Variants in SNRNP40 observed in about 807,000 individuals in gnomAD.
SNRNP40 encodes small nuclear ribonucleoprotein U5 subunit 40, also known as U5 small nuclear ribonucleoprotein 40 kDa protein.
A neutral mutation model predicts 45.8 loss-of-function variants in SNRNP40; 21 were observed. The ratio of observed to expected loss-of-function variants is 0.46; its 90% CI spans 0.32 to 0.66. The LOEUF (loss-of-function observed/expected upper bound fraction) is 0.66, where lower values mean the gene tolerates loss of function less well. SNRNP40 is among the 30% of genes least tolerant of loss of function. SNRNP40 has a pLI of 0.03. For missense variants in SNRNP40, 344 were observed against 439.1 expected (o/e 0.78, Z 1.94); for synonymous variants, 142 against 163.8 (o/e 0.87, Z 1.01).
At chr1:31,267,102 T>C (rs747447782) in intron 8 of SNRNP40, among the ~76,000 whole-genome samples, 1 of 152,018 alleles carries the variant, frequency 6.6e-6, no homozygotes, top group African/African-American at 2.4e-5. Context: ...ACTAGAGAGA[T>C]ATAGGAGTTT....
chr1:31,291,561 C>T (rs1646107651), intron 3 of SNRNP40, among the ~76,000 whole-genome samples: 1 of 152,030 alleles, frequency 6.6e-6, no homozygotes, highest in African/African-American at 2.4e-5. Context: ...GGCTTGTGGC[C>T]CCAGCTATTT....
At chr1:31,269,602 C>A in intron 6 of SNRNP40, 2 of 398,240 alleles carry the variant, frequency 5.0e-6, no homozygotes, top group Non-Finnish European at 8.8e-6. Context: ...AAACTAAATA[C>A]CAGGAACTAC....
At chr1:31,289,880 A>AT (rs926580961) in intron 3 of SNRNP40, among the ~76,000 whole-genome samples, 25 of 148,216 alleles carry the variant, frequency 1.7e-4, no homozygotes, top group African/African-American at 2.0e-4. Flanking sequence ...TCTTTCTTTC[A>AT]TTTTTTTTTT....
rs1646017146 is a variant in SNRNP40, at chr1:31,281,618, AT to A, written c.532-123del. The A allele has an allele frequency of 2.1e-5, 16 of 776,932 alleles. No homozygotes were observed. The East Asian group carries it at 4.5e-4, about 22-fold the overall frequency. 48.1% of individuals were successfully genotyped at this position (776,932 alleles called of 1,614,324 possible). A position where few individuals can be genotyped will look rare whatever the true frequency, so the allele number is the denominator to read the frequency against. On this transcript the variant is annotated intron_variant, in intron 4 of 9. Transcript: ENST00000263694. ...AACACATCTATAATTGGGATCCTAT[AT>A]CACTAACTCCTGGATATCCTAATAA... is the stretch of plus-strand genomic sequence containing the variant.
chr1:31,281,177 G>A (rs1646014208), intron 5 of SNRNP40, among the ~76,000 whole-genome samples, 197 bp downstream of exon 5: 1 of 152,166 alleles, frequency 6.6e-6, no homozygotes, highest in Non-Finnish European at 1.5e-5. Context: ...GTCCCTGACA[G>A]CATTTATAAG....
chr1:31,295,229 GGT>G (rs1491377651), intron 1 of SNRNP40, among the ~76,000 whole-genome samples: 9 of 152,064 alleles, frequency 5.9e-5, no homozygotes, highest in African/African-American at 1.2e-4. Context: ...TAGATGTGGT[GGT>G]GTGTGTCTGT....
chr1:31,265,116 T>TC (rs1479912385), intron 8 of SNRNP40, among the ~76,000 whole-genome samples: 2 of 134,698 alleles, frequency 1.5e-5, no homozygotes, highest in African/African-American at 5.3e-5. Flanking sequence ...TACCACGCTT[T>TC]CACATGTGAT....
chr1:31,278,918 T>G (rs1481593197), intron 5 of SNRNP40, among the ~76,000 whole-genome samples: 1 of 152,046 alleles, frequency 6.6e-6, no homozygotes, highest in Non-Finnish European at 1.5e-5. Context: ...TAGCTCATAA[T>G]GGTATGTAGA....
intron 8 of SNRNP40, among the ~76,000 whole-genome samples, chr1:31,263,018 TG>T (rs1255730002): frequency 2.0e-5 from 3 of 151,110 alleles, no homozygotes; most frequent in Non-Finnish European, 2.9e-5. Flanking sequence ...AAAAAAATTA[TG>T]TTTTTTTTCA....
intron 9 of SNRNP40, chr1:31,260,912 AAC>A: frequency 1.2e-6 from 1 of 856,610 alleles, no homozygotes; most frequent in African/African-American, 1.8e-5. Flanking sequence ...ACATCATTGA[AAC>A]AGACTTGATG....
rs748955673 is a variant in SNRNP40 at position 31,289,210 on chromosome 1, A to G, written c.531+44T>C. On this transcript the variant is annotated intron_variant, in intron 4 of 9. Coordinates refer to ENST00000263694, the MANE Select transcript of SNRNP40 (RefSeq NM_004814.3). ...AGTGGCAAGGCAAGATAAGGTTCAC[A>G]TCACATCACCTCAGAAACTGGAACA... The G allele has an allele frequency of 2.5e-6, 4 of 1,593,638 alleles. No homozygotes were observed. The Admixed American group carries it at 5.1e-5, about 20-fold the overall frequency.
intron 5 of SNRNP40, among the ~76,000 whole-genome samples, chr1:31,280,138 C>G (rs1646005331): frequency 7.4e-6 from 1 of 134,996 alleles, no homozygotes; most frequent in Non-Finnish European, 1.6e-5. Flanking sequence ...AAAAAAAGGA[C>G]TACCTTTAGA....
intron 6 of SNRNP40, 87 bp downstream of exon 6, chr1:31,271,292 C>G: frequency 7.3e-7 from 1 of 1,361,586 alleles, no homozygotes; most frequent in Non-Finnish European, 1.0e-6. Context: ...TTCCCCATTA[C>G]AACACATTCT....
chr1:31,260,583 C>T lies in SNRNP40; in HGVS notation c.1025-462G>A, dbSNP rs1180107907. On this transcript the variant is annotated intron_variant, in intron 9 of 9. Coordinates refer to ENST00000263694, the MANE Select transcript of SNRNP40 (RefSeq NM_004814.3). ...AATATTAAAAAGTATCATTCTTGGCCGGGCGCAGTGGCTCACATCTGTAAT... is the reference window on the plus strand; with the variant it reads ...AATATTAAAAAGTATCATTCTTGGCTGGGCGCAGTGGCTCACATCTGTAAT... Among the ~76,000 whole-genome samples, 5 of 152,102 alleles carry T rather than the reference C, an allele frequency of 3.3e-5. No individual in the cohort carries two copies. In the South Asian group the frequency reaches 6.2e-4, roughly 19 times the overall value.
At chr1:31,279,962 G>A (rs1025989176) in intron 5 of SNRNP40, among the ~76,000 whole-genome samples, 1 of 150,216 alleles carries the variant, frequency 6.7e-6, no homozygotes, top group Non-Finnish European at 1.5e-5. Flanking sequence ...ACAAAAATTA[G>A]CTGGGCATGG....
chr1:31,269,353 C>T (rs747306479), intron 6 of SNRNP40, 113 bp from the exon 7 acceptor site: 4 of 1,509,548 alleles, frequency 2.6e-6, no homozygotes, highest in South Asian at 1.3e-5. Context: ...GCTGTTTCCT[C>T]GGTGGGCAAA....
intron 9 of SNRNP40, 71 bp from the exon 10 acceptor site, chr1:31,260,192 G>T: frequency 9.8e-7 from 1 of 1,023,776 alleles, no homozygotes; most frequent in South Asian, 1.6e-5. Flanking sequence ...GGGCTCTTGT[G>T]TCAAGAGCCA....
chr1:31,290,790 A>G (rs1292928312), intron 3 of SNRNP40, among the ~76,000 whole-genome samples: 1 of 152,164 alleles, frequency 6.6e-6, no homozygotes, highest in Non-Finnish European at 1.5e-5. Flanking sequence ...AGGCAGGAGA[A>G]TGGTGTGAAC....
At chr1:31,286,587 T>C (rs1031872012) in intron 4 of SNRNP40, among the ~76,000 whole-genome samples, 2 of 152,172 alleles carry the variant, frequency 1.3e-5, no homozygotes, top group Non-Finnish European at 2.9e-5. Flanking sequence ...TTCTACCCTG[T>C]GTGGATGCCC....
Sources: allele counts gnomAD v4.1 joint callset (sites outside exome capture counted in the v4.1 genomes callset), GRCh38; gene constraint gnomAD v4.1.1; transcripts MANE v1.5; gene names NCBI Gene and HGNC (gene_info 2026-07-23, HGNC 2026-07-21).